Variants in PPEF1 observed in about 807,000 individuals in gnomAD.
PPEF1 encodes the protein protein phosphatase with EF-hand domain 1, also known as serine/threonine-protein phosphatase with EF-hands 1.
Under a neutral mutation model 53.3 loss-of-function variants are expected in PPEF1, and 12 were observed. The ratio of observed to expected loss-of-function variants is 0.23; its 90% CI spans 0.14 to 0.36. The LOEUF (loss-of-function observed/expected upper bound fraction) is 0.36, where lower values mean the gene tolerates loss of function less well. Among genes scored for constraint, PPEF1 ranks in the 10% least tolerant of loss-of-function variants. The probability of loss-of-function intolerance (pLI) is 1.00; values close to 1 mark genes in which losing one functional copy is unlikely to be tolerated. For synonymous variants in PPEF1, 165 were observed against 176.7 expected (o/e 0.93, Z 0.52); for missense variants, 334 against 490.4 (o/e 0.68, Z 3.01).
At chrX:18,823,833 C>T in intron 13 of PPEF1, 90 bp from the exon 14 acceptor site, 2 of 978,167 alleles carry the variant, frequency 2.0e-6, no homozygotes, top group East Asian at 6.2e-5. Flanking sequence ...GAGCAGCTGG[C>T]CCCATGCTGC....
intron 3 of PPEF1, among the ~76,000 whole-genome samples, chrX:18,745,145 T>C (rs1569254505): frequency 3.1e-5 from 3 of 95,409 alleles, no homozygotes; most frequent in Non-Finnish European, 6.1e-5. Flanking sequence ...ATATTATATA[T>C]ATTATATATT....
At chrX:18,793,639 C>T (rs190733957) in intron 10 of PPEF1, among the ~76,000 whole-genome samples, 228 of 110,292 alleles carry the variant, frequency 2.1e-3, no homozygotes, top group African/African-American at 6.8e-3. Context: ...TCTGCTAAGT[C>T]GACGTCTAGT....
intron 6 of PPEF1, among the ~76,000 whole-genome samples, chrX:18,775,796 A>G (rs1357498730): frequency 8.9e-6 from 1 of 112,138 alleles, no homozygotes; most frequent in Non-Finnish European, 1.9e-5. Context: ...GAGGCACAAC[A>G]GTTTCTACTC....
chrX:18,794,628 C>A (rs2046394026), intron 10 of PPEF1, among the ~76,000 whole-genome samples: 1 of 112,847 alleles, frequency 8.9e-6, no homozygotes, highest in African/African-American at 3.2e-5. Flanking sequence ...GGGTCTAGCA[C>A]CTGCAGGCTG....
rs1366271227 is a variant in PPEF1, at chrX:18,743,453, T to C, written c.236-6339T>C. On this transcript the variant is annotated intron_variant, in intron 3 of 15. Transcript: ENST00000470157. ...TTTCTTTTTTCTCTTTTTCTTTTTTTTTTTTTTTTTTTTTGAGACAGAGTC... is the reference window on the plus strand; with the variant it reads ...TTTCTTTTTTCTCTTTTTCTTTTTTCTTTTTTTTTTTTTTGAGACAGAGTC... Among the ~76,000 whole-genome samples, 37 of 91,588 alleles carry C rather than the reference T, an allele frequency of 4.0e-4. 1 individual carries two copies. The highest frequency in any genetic ancestry group is 1.3e-3 in the African/African-American group (32 of 24,152). 79.5% of individuals were successfully genotyped at this position (91,588 alleles called of 115,157 possible).
At chrX:18,681,463 G>T (rs192905709), upstream of PPEF1, among the ~76,000 whole-genome samples, 1 of 111,665 alleles carries the variant, frequency 9.0e-6, no homozygotes, top group East Asian at 2.8e-4. Flanking sequence ...ATGTGTCAGT[G>T]TTGAGGGTGA....
intron 1 of PPEF1, among the ~76,000 whole-genome samples, chrX:18,709,398 A>G (rs925127946): frequency 1.8e-5 from 2 of 111,633 alleles, no homozygotes; most frequent in Non-Finnish European, 3.8e-5. Flanking sequence ...TCAGTACTAT[A>G]TTCCTTTTTA....
chrX:18,685,837 A>G (rs1929058480), intron 2 of PPEF1, among the ~76,000 whole-genome samples: 1 of 111,686 alleles, frequency 9.0e-6, no homozygotes, highest in African/African-American at 3.3e-5. Flanking sequence ...TAAAGCCTGG[A>G]TACAAATTTA....
chrX:18,725,514 G>A (rs1006428612), intron 1 of PPEF1, among the ~76,000 whole-genome samples: 11 of 111,613 alleles, frequency 9.9e-5, no homozygotes, highest in African/African-American at 3.6e-4. Flanking sequence ...ACAGGAAGCA[G>A]ACAGGAAGGA....
rs2047195956 is a variant in PPEF1, at chrX:18,827,832, A to T, written c.*345A>T. ...AGGAACTCATACAGCACAAGAGAAA[A>T]CTACTAAGCTTGACATCTGTGAGTG... On this transcript the variant is annotated 3_prime_UTR_variant, in exon 16 of 16. Transcript: ENST00000470157. 1 of 152,973 alleles carries T rather than the reference A, an allele frequency of 6.5e-6. No individual in the cohort carries two copies. The highest frequency in any genetic ancestry group is 1.3e-5 in the Non-Finnish European group (1 of 79,845). The allele number at this position is 152,973 out of a possible 1,213,427, so 12.6% of individuals were successfully genotyped here.
At chrX:18,725,965 G>A (rs2044696493) in intron 1 of PPEF1, among the ~76,000 whole-genome samples, 1 of 111,506 alleles carries the variant, frequency 9.0e-6, no homozygotes, top group East Asian at 2.8e-4. Flanking sequence ...GCAGAGATGG[G>A]AGGGGGCCTA....
chrX:18,694,298 C>T (rs777163041), intron 4 of PPEF1, among the ~76,000 whole-genome samples: 212 of 111,591 alleles, frequency 1.9e-3, no homozygotes, highest in African/African-American at 6.0e-3. Context: ...GATAGCTACC[C>T]AGGAGTAGGA....
chrX:18,805,972 G>T (rs1323079072), intron 11 of PPEF1, among the ~76,000 whole-genome samples: 1 of 109,141 alleles, frequency 9.2e-6, no homozygotes, highest in African/African-American at 3.3e-5. Context: ...ACTTTCTGGG[G>T]CCCTGAACCC....
chrX:18,769,647 C>G (rs933291581), intron 6 of PPEF1, among the ~76,000 whole-genome samples: 1 of 111,545 alleles, frequency 9.0e-6, no homozygotes, highest in African/African-American at 3.3e-5. Flanking sequence ...CCATCCTCCA[C>G]CCACTACACC....
At chrX:18,763,822 G>A (rs1384245907) in intron 6 of PPEF1, among the ~76,000 whole-genome samples, 2 of 111,639 alleles carry the variant, frequency 1.8e-5, no homozygotes, top group African/African-American at 3.3e-5. Context: ...AAGAGGTTCC[G>A]TTGAGACTTC....
At chrX:18,743,250 T>C (rs1052311542) in intron 3 of PPEF1, among the ~76,000 whole-genome samples, 4 of 111,026 alleles carry the variant, frequency 3.6e-5, no homozygotes, top group African/African-American at 1.3e-4. Context: ...GGCAGACATT[T>C]TTACAGGATG....
At chrX:18,678,420 G>C (rs1928758267), upstream of PPEF1, among the ~76,000 whole-genome samples, 1 of 111,688 alleles carries the variant, frequency 9.0e-6, no homozygotes. Flanking sequence ...CTGGGCGACA[G>C]AGTGAGACCC....
At chrX:18,701,213 G>A (rs772632372) in intron 6 of PPEF1, among the ~76,000 whole-genome samples, 7 of 112,260 alleles carry the variant, frequency 6.2e-5, no homozygotes, top group African/African-American at 2.3e-4. Flanking sequence ...TATGATTACT[G>A]GTATAGCATT....
At chrX:18,699,898 G>A (rs1207191788) in intron 5 of PPEF1, among the ~76,000 whole-genome samples, 4 of 112,830 alleles carry the variant, frequency 3.5e-5, no homozygotes, top group Non-Finnish European at 7.5e-5. Context: ...CCTAAAGAGT[G>A]CTTTTCTGCT....
Sources: gnomAD v4.1 joint callset for allele counts (sites outside exome capture counted in the v4.1 genomes callset) on GRCh38, gnomAD v4.1.1 for gene constraint, MANE v1.5 for transcripts, NCBI Gene and HGNC (gene_info 2026-07-23, HGNC 2026-07-21) for gene names.